The following SYT16 variants were observed in gnomAD, a reference collection of about 807,000 sequenced individuals.
SYT16 encodes synaptotagmin-16.
SYT16 carries 42 observed loss-of-function variants against 61.4 expected under a neutral mutation model. The ratio of observed to expected loss-of-function variants is 0.68; its 90% CI spans 0.53 to 0.89. SYT16 has a LOEUF of 0.89. SYT16 is among the 40% of genes least tolerant of loss of function. The pLI, the probability that SYT16 is intolerant of heterozygous loss-of-function variation, is 0.00. For missense variants in SYT16, 804 were observed against 807.3 expected (o/e 1.00, Z 0.05); for synonymous variants, 314 against 302.3 (o/e 1.04, Z -0.40).
At chr14:61,960,169 G>T (rs1362683946) in intron 1 of SYT16, among the ~76,000 whole-genome samples, 3 of 152,030 alleles carry the variant, frequency 2.0e-5, no homozygotes, top group African/African-American at 7.3e-5. Context: ...GCTTAGGATT[G>T]CCTTCTTCAT....
At chr14:61,972,896 C>T (rs1305295666) in intron 2 of SYT16, among the ~76,000 whole-genome samples, 1 of 152,134 alleles carries the variant, frequency 6.6e-6, no homozygotes, top group Non-Finnish European at 1.5e-5. Flanking sequence ...AGGCTTCTCC[C>T]ATTCTCATTC....
At chr14:61,827,573 G>A (rs1337216766) in intron 1 of SYT16, among the ~76,000 whole-genome samples, 7 of 152,280 alleles carry the variant, frequency 4.6e-5, no homozygotes, top group Admixed American at 4.6e-4. Context: ...GTCATTGATA[G>A]AATAATCAAT....
chr14:62,042,075 T>G (rs970090275), intron 3 of SYT16, among the ~76,000 whole-genome samples: 1 of 152,224 alleles, frequency 6.6e-6, no homozygotes, highest in Non-Finnish European at 1.5e-5. Context: ...TCCTACTAAT[T>G]ATTCTCTGTG....
At chr14:61,950,972 A>T (rs781432535) in intron 1 of SYT16, among the ~76,000 whole-genome samples, 11 of 152,172 alleles carry the variant, frequency 7.2e-5, no homozygotes, top group Admixed American at 1.3e-4. Flanking sequence ...TAGATAAAGG[A>T]TGCCGATTTT....
intron 1 of SYT16, among the ~76,000 whole-genome samples, chr14:61,915,913 T>G (rs1294141278): frequency 6.6e-6 from 1 of 152,218 alleles, no homozygotes; most frequent in Non-Finnish European, 1.5e-5. Flanking sequence ...TTGCCAAAGA[T>G]GATCTCACGG....
intron 1 of SYT16, among the ~76,000 whole-genome samples, chr14:61,829,713 G>C (rs1325324095): frequency 6.6e-6 from 1 of 151,300 alleles, no homozygotes; most frequent in African/African-American, 2.4e-5. Context: ...GGAGTACAAT[G>C]GTGTGATCTT....
chr14:62,012,963 T>C (rs561294936), intron 3 of SYT16, among the ~76,000 whole-genome samples: 1 of 152,310 alleles, frequency 6.6e-6, no homozygotes, highest in Admixed American at 6.5e-5. Flanking sequence ...AGAATCCTTA[T>C]TGGTTTTGTA....
chr14:61,980,040 T>C (rs2052004251), intron 2 of SYT16, among the ~76,000 whole-genome samples: 1 of 152,204 alleles, frequency 6.6e-6, no homozygotes. Flanking sequence ...CCCTCCACTT[T>C]TATAGTTTTT....
intron 1 of SYT16, among the ~76,000 whole-genome samples, chr14:61,850,599 C>T (rs2140270372): frequency 6.6e-6 from 1 of 152,224 alleles, no homozygotes; most frequent in African/African-American, 2.4e-5. Context: ...TATGTCTACC[C>T]AGTAAGTAAA....
In SYT16 at chr14:61,996,288, A is replaced by G. The variant is rs754024359; in HGVS notation, c.269A>G (p.His90Arg). 1.9e-6 allele frequency: 3 copies of G among 1,613,642 alleles called. No homozygotes were observed. Among genetic ancestry groups the G allele is most frequent in the South Asian group, 2.2e-5 (2 of 91,070 alleles). ...AATTCCTTGTTTCTTGAAGTGGATC[A>G]TTTCTCATGTTGTAATAGTGATTTG... is the stretch of plus-strand genomic sequence containing the variant. ...DANSLFLEVD[H>R]FSCCNSDLQD... The change falls in exon 3 of 8, where the codon CAT (histidine) becomes CGT (arginine). Residue 90 changes from histidine (H) to arginine (R), a missense_variant. Coordinates refer to ENST00000683842, the MANE Select transcript of SYT16 (RefSeq NM_001367656.1).
chr14:61,859,159 A>G (rs1458836370), intron 1 of SYT16, among the ~76,000 whole-genome samples: 2 of 152,002 alleles, frequency 1.3e-5, no homozygotes, highest in Admixed American at 1.3e-4. Flanking sequence ...GCGCCCGGCC[A>G]GCCCCAAATC....
intron 4 of SYT16, among the ~76,000 whole-genome samples, chr14:62,074,396 A>T (rs1397510336): frequency 6.6e-6 from 1 of 152,170 alleles, no homozygotes; most frequent in Non-Finnish European, 1.5e-5. Flanking sequence ...GTGAGACCAG[A>T]GGAATGAGAC....
In SYT16 at chr14:62,019,849, A is replaced by G. The variant is rs75799237; in HGVS notation, c.523+23307A>G. On this transcript the variant is annotated intron_variant, in intron 3 of 7. Transcript: ENST00000683842. The stretch of plus-strand genomic sequence containing the variant: ...CCTGTGAAGATGAGCTGCCCACTAC[A>G]TCATTTAAAAGCGCCTATCTGACAC... Among the ~76,000 whole-genome samples the G allele has an allele frequency of 3.3e-3, 504 of 152,310 alleles. 1 individual carries two copies. The highest frequency in any genetic ancestry group is 0.011 in the African/African-American group (474 of 41,552).
chr14:62,047,053 C>T (rs2055024225), intron 3 of SYT16, among the ~76,000 whole-genome samples: 1 of 152,158 alleles, frequency 6.6e-6, no homozygotes, highest in African/African-American at 2.4e-5. Flanking sequence ...GCAGTATGGC[C>T]ATTTTCACAA....
At chr14:61,954,287 A>G (rs1416162869) in intron 1 of SYT16, among the ~76,000 whole-genome samples, 1 of 147,918 alleles carries the variant, frequency 6.8e-6, no homozygotes, top group African/African-American at 2.5e-5. Context: ...GTTGTGAGTC[A>G]GATGGCTGCA....
intron 3 of SYT16, among the ~76,000 whole-genome samples, chr14:62,019,916 T>A (rs1595173422): frequency 6.6e-6 from 1 of 152,310 alleles, no homozygotes; most frequent in Non-Finnish European, 1.5e-5. Flanking sequence ...CATCAAACAC[T>A]AGTAATGCTG....
At chr14:62,063,074 C>T (rs916603128) in intron 3 of SYT16, among the ~76,000 whole-genome samples, 1 of 152,202 alleles carries the variant, frequency 6.6e-6, no homozygotes, top group African/African-American at 2.4e-5. Context: ...TTCCCACTTC[C>T]AGGCAGTGTT....
intron 3 of SYT16, among the ~76,000 whole-genome samples, chr14:62,034,758 C>T (rs1428377892): frequency 2.6e-5 from 4 of 152,048 alleles, no homozygotes; most frequent in African/African-American, 9.7e-5. Context: ...ATGAGGTTTC[C>T]TTTTCGTGTG....
chr14:61,996,421 A>G lies in SYT16; in HGVS notation c.402A>G (p.Pro134=). ...PNWASDDRKL[P]HVLSSIAEEE... is the part of the protein sequence containing the mutation. Reference sequence around the variant, plus strand: ...GGGCCAGTGATGACCGCAAGTTACCACATGTGCTTTCTTCTATTGCGGAGG... The same window carrying G: ...GGGCCAGTGATGACCGCAAGTTACCGCATGTGCTTTCTTCTATTGCGGAGG... Residue 134 remains proline (P), a synonymous_variant, in exon 3 of 8, where the codon CCA becomes CCG. Coordinates refer to ENST00000683842, the MANE Select transcript of SYT16 (RefSeq NM_001367656.1). 1 of 1,613,528 alleles carries G rather than the reference A, an allele frequency of 6.2e-7. No individual in the cohort carries two copies. Among genetic ancestry groups the G allele is most frequent in the Non-Finnish European group, 8.5e-7 (1 of 1,179,580 alleles).
Sources: allele counts gnomAD v4.1 joint callset (sites outside exome capture counted in the v4.1 genomes callset), GRCh38; gene constraint gnomAD v4.1.1; transcripts MANE v1.5; gene names NCBI Gene and HGNC (gene_info 2026-07-23, HGNC 2026-07-21).